ASTN2: variants seen among roughly 807,000 people sequenced by gnomAD.
ASTN2 encodes astrotactin 2.
A neutral mutation model predicts 139.8 loss-of-function variants in ASTN2; 54 were observed. The observed-to-expected ratio is 0.39, with a 90% CI of 0.31 to 0.48. The LOEUF is 0.48. Among genes scored for constraint, ASTN2 ranks in the 20% least tolerant of loss-of-function variants. The pLI is 0.95. For synonymous variants in ASTN2, 756 were observed against 719.5 expected, an observed-to-expected ratio of 1.05 and a Z score of -0.81; for missense variants, 1,565 against 1,725.1, an observed-to-expected ratio of 0.91 and a Z score of 1.64.
At chr9:117,385,586 T>C (rs923518934) in intron 1 of ASTN2, among the ~76,000 whole-genome samples, 20 of 151,822 alleles carry the variant, frequency 1.3e-4, no homozygotes, top group African/African-American at 4.6e-4. Flanking sequence ...AGTAGGAGGA[T>C]AGGAAACATT....
At chr9:116,976,322 T>A (rs1564367626) in intron 8 of ASTN2, 134 bp from the exon 9 acceptor site, 1 of 695,274 alleles carries the variant, frequency 1.4e-6, no homozygotes, top group East Asian at 2.7e-5. Flanking sequence ...AGACTACTTA[T>A]ATTATAAAAG....
intron 13 of ASTN2, among the ~76,000 whole-genome samples, chr9:116,779,423 C>A (rs1368179233): frequency 6.6e-6 from 1 of 152,076 alleles, no homozygotes; most frequent in Non-Finnish European, 1.5e-5. Flanking sequence ...CCTACCTGTG[C>A]TTTTATTTTG....
At chr9:117,291,010 C>G (rs1404093546) in intron 2 of ASTN2, among the ~76,000 whole-genome samples, 1 of 152,206 alleles carries the variant, frequency 6.6e-6, no homozygotes, top group African/African-American at 2.4e-5. Flanking sequence ...AACCTCAGCC[C>G]TCAGCAAAGC....
chr9:117,033,290 T>C (rs986068574), intron 6 of ASTN2, among the ~76,000 whole-genome samples: 1 of 152,150 alleles, frequency 6.6e-6, no homozygotes, highest in Non-Finnish European at 1.5e-5. Flanking sequence ...GGAGATTTTC[T>C]ATGATGGGGA....
chr9:116,555,313 G>C (rs2119426728), intron 19 of ASTN2, among the ~76,000 whole-genome samples: 1 of 152,214 alleles, frequency 6.6e-6, no homozygotes, highest in South Asian at 2.1e-4. Flanking sequence ...AGAGAGACAA[G>C]GCCAGCTGCA....
chr9:116,577,596 G>T (rs1250214875), intron 19 of ASTN2, among the ~76,000 whole-genome samples: 1 of 152,122 alleles, frequency 6.6e-6, no homozygotes, highest in Non-Finnish European at 1.5e-5. Context: ...TGAGCACTGG[G>T]TCTATGAAAA....
chr9:116,843,374 T>C (rs1478289203), intron 11 of ASTN2, among the ~76,000 whole-genome samples: 3 of 152,144 alleles, frequency 2.0e-5, no homozygotes, highest in Non-Finnish European at 2.9e-5. Context: ...AAGTGGGAGC[T>C]AGGACGGGCG....
intron 11 of ASTN2, among the ~76,000 whole-genome samples, chr9:116,844,097 C>T (rs1190036281): frequency 6.6e-6 from 1 of 152,122 alleles, no homozygotes; most frequent in Non-Finnish European, 1.5e-5. Context: ...CAAGTCACTG[C>T]ACTTTTCTGG....
At chr9:116,774,604 G>A (rs919014539) in intron 13 of ASTN2, among the ~76,000 whole-genome samples, 1 of 152,142 alleles carries the variant, frequency 6.6e-6, no homozygotes, top group African/African-American at 2.4e-5. Context: ...AGGTGACCCA[G>A]TTGGTAAATA....
intron 19 of ASTN2, among the ~76,000 whole-genome samples, chr9:116,595,615 G>C (rs1015492511): frequency 6.6e-6 from 1 of 152,016 alleles, no homozygotes. Flanking sequence ...GTGAGCCACC[G>C]CGCCCGGCCA....
intron 19 of ASTN2, among the ~76,000 whole-genome samples, chr9:116,508,239 T>C (rs1370784551): frequency 6.6e-6 from 1 of 152,192 alleles, no homozygotes; most frequent in Non-Finnish European, 1.5e-5. Context: ...GGGATAGAGA[T>C]AGTAACAGGG....
chr9:117,294,458 A>G (rs972876484), intron 1 of ASTN2, among the ~76,000 whole-genome samples: 9 of 152,264 alleles, frequency 5.9e-5, no homozygotes, highest in African/African-American at 1.7e-4. Flanking sequence ...ATGCTTTAGC[A>G]GAAGCAGAAG....
In ASTN2 at chr9:116,423,596, C is replaced by A. The variant is rs1185313080; in HGVS notation, c.*2255G>T. Reference sequence around the variant, plus strand: ...AGCTCTCTGAAGGCCCATGTATACCCAGGAAGTGGTATACATGAGAGGCAT... The same window carrying A: ...AGCTCTCTGAAGGCCCATGTATACCAAGGAAGTGGTATACATGAGAGGCAT... On this transcript the variant is annotated 3_prime_UTR_variant, in exon 23 of 23. Coordinates refer to ENST00000313400, the MANE Select transcript of ASTN2 (RefSeq NM_001365068.1). Among the ~76,000 whole-genome samples the A allele has an allele frequency of 6.6e-6, 1 of 152,142 alleles. No individual in the cohort carries two copies. The highest frequency in any genetic ancestry group is 1.5e-5 in the Non-Finnish European group (1 of 68,040).
chr9:117,058,833 T>G (rs1462563719), intron 5 of ASTN2, among the ~76,000 whole-genome samples: 1 of 152,082 alleles, frequency 6.6e-6, no homozygotes, highest in Non-Finnish European at 1.5e-5. Context: ...AGAAAGACCT[T>G]TTTCAGAAAG....
intron 2 of ASTN2, among the ~76,000 whole-genome samples, chr9:117,271,688 A>G (rs1460065729): frequency 1.3e-5 from 2 of 152,208 alleles, no homozygotes; most frequent in Non-Finnish European, 2.9e-5. Flanking sequence ...AGATTGGCCA[A>G]AACAAAGAAG....
chr9:116,543,002 ATC>A (rs1435255133), intron 19 of ASTN2, among the ~76,000 whole-genome samples: 1,851 of 151,184 alleles, frequency 0.012, 32 homozygotes, highest in African/African-American at 0.043. Flanking sequence ...TGAAAAAAAA[ATC>A]ATATAGTATC....
At chr9:116,996,989 G>A (rs753452413) in intron 7 of ASTN2, among the ~76,000 whole-genome samples, 2 of 152,080 alleles carry the variant, frequency 1.3e-5, no homozygotes, top group Non-Finnish European at 2.9e-5. Flanking sequence ...CTTAAAAGCT[G>A]AGCACTTCCC....
chr9:116,667,269 A>G (rs1485786572), intron 16 of ASTN2, among the ~76,000 whole-genome samples: 1 of 152,130 alleles, frequency 6.6e-6, no homozygotes, highest in Non-Finnish European at 1.5e-5. Context: ...ATCCGTATTT[A>G]AATATACAGA....
intron 20 of ASTN2, among the ~76,000 whole-genome samples, chr9:116,486,655 C>T (rs1269455924): frequency 6.6e-6 from 1 of 152,148 alleles, no homozygotes; most frequent in Admixed American, 6.5e-5. Flanking sequence ...GAGAGGTGGT[C>T]TATAAAGCTC....
Sources: gnomAD v4.1 joint callset for allele counts (sites outside exome capture counted in the v4.1 genomes callset) on GRCh38, gnomAD v4.1.1 for gene constraint, MANE v1.5 for transcripts, NCBI Gene and HGNC (gene_info 2026-07-23, HGNC 2026-07-21) for gene names.